Variants in HTATSF1 observed in about 807,000 individuals in gnomAD.
The protein encoded by HTATSF1 is 17S U2 SnRNP complex component HTATSF1.
A neutral mutation model predicts 46.1 loss-of-function variants in HTATSF1; 6 were observed. The observed-to-expected ratio is 0.13, with a 90% confidence interval of 0.07 to 0.26. The LOEUF is 0.26. HTATSF1 is among the 10% of genes least tolerant of loss of function. HTATSF1 has a pLI of 1.00. For missense variants in HTATSF1, 452 were observed against 559.9 expected, an observed-to-expected ratio of 0.81 and a Z score of 1.94; for synonymous variants, 226 against 211.5, an observed-to-expected ratio of 1.07 and a Z score of -0.60.
At position 136,511,482 on chromosome X, in the gene HTATSF1, T is replaced by A; in HGVS notation, c.1737T>A (p.Ser579=). The change falls in exon 9 of 9, where the codon TCT becomes TCA. Residue 579 remains serine, a synonymous_variant. Transcript: ENST00000218364. ...GLEKDLDEEG[S]EKELHENVLD... is the part of the protein sequence containing the mutation. ...AGAAAGATTTGGACGAGGAAGGTTC[T>A]GAAAAGGAGCTTCATGAAAATGTTC... 1 of 1,208,675 alleles carries A rather than the reference T, an allele frequency of 8.3e-7. No individual in the cohort carries two copies. Among genetic ancestry groups the A allele is most frequent in the Non-Finnish European group, 1.1e-6 (1 of 894,624 alleles).
At chrX:136,509,964 A>G (rs1300337111) in intron 7 of HTATSF1, 118 bp from the exon 8 acceptor site, 2 of 606,837 alleles carry the variant, frequency 3.3e-6, no homozygotes, top group South Asian at 4.3e-5. Context: ...CTTCATACAT[A>G]AAGTCTTTTA....
rs1490578356 is a variant in HTATSF1 at position 136,512,308 on chromosome X, A to G, written c.*295A>G. On this transcript the variant is annotated 3_prime_UTR_variant, in exon 9 of 9. Transcript: ENST00000218364. The stretch of plus-strand genomic sequence containing the variant: ...GTATTGATTGAAGTTTGTGATATTC[A>G]TCAATAAAAATGAGTTGATAATATG... 4 of 203,851 alleles carry G rather than the reference A, an allele frequency of 2.0e-5. No individual in the cohort carries two copies. The highest frequency in any genetic ancestry group is 1.2e-4 in the African/African-American group (4 of 34,296). 16.8% of individuals were successfully genotyped at this position (203,851 alleles called of 1,213,427 possible).
At chrX:136,504,981 T>C (rs2075735286) in intron 6 of HTATSF1, among the ~76,000 whole-genome samples, 1 of 112,266 alleles carries the variant, frequency 8.9e-6, no homozygotes, top group African/African-American at 3.2e-5. Context: ...AATGGAACTG[T>C]CCTTCCTCCC....
intron 7 of HTATSF1, 81 bp downstream of exon 7, chrX:136,509,261 C>A: frequency 1.5e-6 from 1 of 658,708 alleles, no homozygotes; most frequent in Non-Finnish European, 2.4e-6. Context: ...TTAGTATACC[C>A]CTGAATTTTA....
rs2075768146 is a variant in HTATSF1 at position 136,511,539 on chromosome X, A to G, written c.1794A>G (p.Glu598=). 2 of 1,209,314 alleles carry G rather than the reference A, an allele frequency of 1.7e-6. No homozygotes were observed. Among genetic ancestry groups the G allele is most frequent in the Non-Finnish European group, 2.2e-6 (2 of 895,011 alleles). Residue 598 remains glutamate, a synonymous_variant, in exon 9 of 9, where the codon GAA becomes GAG. Transcript: ENST00000218364. ...LDKELEENDS[E]NSEFEDDGSE... is the part of the protein sequence containing the mutation. ...AAGAGTTAGAAGAAAATGACTCTGA[A>G]AACTCCGAATTTGAAGATGACGGCT...
At position 136,504,991 on chromosome X, in the gene HTATSF1, C is replaced by T. The variant is rs987956397; in HGVS notation, c.834+528C>T. Among the ~76,000 whole-genome samples, 3 of 111,917 alleles carry T rather than the reference C, an allele frequency of 2.7e-5. No homozygotes were observed. The East Asian group carries it at 8.3e-4, about 31-fold the overall frequency. On this transcript the variant is annotated intron_variant, in intron 6 of 8. Coordinates refer to ENST00000218364, the MANE Select transcript of HTATSF1 (RefSeq NM_014500.5). ...AAGTTAATGGAACTGTCCTTCCTCCCCTCAAAAAAGTGAATAAAGGAGAAG... is the reference window on the plus strand; with the variant it reads ...AAGTTAATGGAACTGTCCTTCCTCCTCTCAAAAAAGTGAATAAAGGAGAAG...
At chrX:136,503,930 G>A (rs1164790932) in intron 5 of HTATSF1, among the ~76,000 whole-genome samples, 1 of 111,217 alleles carries the variant, frequency 9.0e-6, no homozygotes, top group African/African-American at 3.3e-5. Flanking sequence ...GAGTGCAGGG[G>A]TGCAATGTTG....
chrX:136,511,839 AGAT>A lies in HTATSF1; in HGVS notation c.2101_2103del (p.Asp701del), dbSNP rs748278192. 7.4e-6 allele frequency: 9 copies of A among 1,211,685 alleles called. No individual in the cohort carries two copies. The highest frequency in any genetic ancestry group is 1.0e-5 in the Non-Finnish European group (9 of 895,430). ...AAGATGCTGACGAAAAGTTGTTCGA[AGAT>A]GATGATTCCAATGAGAAGTTGTTTG... On this transcript the variant is annotated inframe_deletion, in exon 9 of 9. Coordinates refer to ENST00000218364, the MANE Select transcript of HTATSF1 (RefSeq NM_014500.5).
intron 4 of HTATSF1, among the ~76,000 whole-genome samples, chrX:136,502,085 T>G (rs2075720818): frequency 9.0e-6 from 1 of 111,601 alleles, no homozygotes; most frequent in South Asian, 3.7e-4. Flanking sequence ...CTACAGGTCC[T>G]CTGATCTTTG....
Position 136,502,938 on chromosome X carries a change from A to G in HTATSF1, c.731A>G (p.Gln244Arg). 9.2e-7 allele frequency: 1 copy of G among 1,090,213 alleles called. No individual in the cohort carries two copies. The allele number at this position is 1,090,213 out of a possible 1,213,427, so 89.8% of individuals were successfully genotyped here. A position where few individuals can be genotyped will look rare whatever the true frequency, so the allele number is the denominator to read the frequency against. The stretch of plus-strand genomic sequence containing the variant: ...TATAAGAAGAAGCTGTCTATGCAAC[A>G]AAAGTTTGTAATTTTTTTCCCTTTT... Reference protein sequence around the residue: ...KDYKKKLSMQQKQLDWRPERR... With the variant: ...KDYKKKLSMQRKQLDWRPERR... Residue 244 changes from glutamine to arginine, a missense_variant, in exon 5 of 9, where the codon CAA becomes CGA. Gln to Arg is a conservative substitution (Grantham distance 43). Coordinates refer to ENST00000218364, the MANE Select transcript of HTATSF1 (RefSeq NM_014500.5).
In HTATSF1 at chrX:136,511,374, C is replaced by G. The variant is rs779306002; in HGVS notation, c.1629C>G (p.Asp543Glu). The G allele has an allele frequency of 8.3e-7, 1 of 1,207,989 alleles. No homozygotes were observed. Among genetic ancestry groups the G allele is most frequent in the Admixed American group, 2.2e-5 (1 of 45,408 alleles). ...VGPTKESEED[D>E]SEKESDEDCS... ...CCACAAAAGAGTCCGAAGAAGATGA[C>G]TCAGAGAAAGAGTCTGATGAAGACT... Residue 543 changes from aspartate to glutamate, a missense_variant, in exon 9 of 9, where the codon GAC becomes GAG. By Grantham distance (45) the Asp-to-Glu change is conservative. This residue lies in a region of HTATSF1 where 246 missense variants were observed against 245.3 expected (regional missense o/e 1.00). Transcript: ENST00000218364.
In HTATSF1 at chrX:136,510,841, C is replaced by T. The variant is rs767255273; in HGVS notation, c.1096C>T (p.Leu366=). 23 of 1,202,042 alleles carry T rather than the reference C, an allele frequency of 1.9e-5. No homozygotes were observed. The South Asian group carries it at 3.6e-4, about 19-fold the overall frequency. Residue 366 remains leucine, a synonymous_variant, in exon 9 of 9, where the codon CTG becomes TTG. Transcript: ENST00000218364. The part of the protein sequence containing the change: ...EETSREREER[L]RGWEAFLNAP... ...AACCTCAAGAGAAAGGGAGGAAAGG[C>T]TGAGAGGATGGGAGGCTTTCCTCAA... is the stretch of plus-strand genomic sequence containing the variant.
Position 136,509,076 on chromosome X carries a change from A to G in HTATSF1, c.835-15A>G, listed in dbSNP as rs1293666607. The G allele has an allele frequency of 1.8e-6, 2 of 1,139,003 alleles. No individual in the cohort carries two copies. Among genetic ancestry groups the G allele is most frequent in the Admixed American group, 2.2e-5 (1 of 45,917 alleles). The allele number at this position is 1,139,003 out of a possible 1,213,427, so 93.9% of individuals were successfully genotyped here. A position where few individuals can be genotyped will look rare whatever the true frequency, so the allele number is the denominator to read the frequency against. ...AGAAGGGAGCAAACCCATTTTAATC[A>G]TGCATATTTTTCAGGATGATCCGTT... is the stretch of plus-strand genomic sequence containing the variant. On this transcript the variant is annotated splice_polypyrimidine_tract_variant and intron_variant, in intron 6 of 8. Coordinates refer to ENST00000218364, the MANE Select transcript of HTATSF1 (RefSeq NM_014500.5).
Position 136,511,215 on chromosome X carries a change from C to A in HTATSF1, c.1470C>A (p.Pro490=). The stretch of plus-strand genomic sequence containing the variant: ...AAAAAGAGTCTGAAGAAGGCAATCC[C>A]GTAAGAGGATCTGAAGAGGATAGTC... The part of the protein sequence containing the change: ...CSQKESEEGN[P]VRGSEEDSPK... The change falls in exon 9 of 9, where the codon CCC becomes CCA. Residue 490 remains proline, a synonymous_variant. Transcript: ENST00000218364. The A allele has an allele frequency of 8.3e-7, 1 of 1,208,001 alleles. No homozygotes were observed. Among genetic ancestry groups the A allele is most frequent in the Non-Finnish European group, 1.1e-6 (1 of 894,472 alleles).
chrX:136,510,709 C>A, intron 8 of HTATSF1, 99 bp from the exon 9 acceptor site: 2 of 912,453 alleles, frequency 2.2e-6, no homozygotes, highest in East Asian at 3.4e-5. Flanking sequence ...ATAAGAGATG[C>A]TTTATAAAAT....
chrX:136,511,265 C>A lies in HTATSF1; in HGVS notation c.1520C>A (p.Thr507Lys), dbSNP rs1368230574. ...DSPKKESKKK[T>K]LKNDCEENGL... ...CCTAAAAAAGAGTCTAAAAAGAAGA[C>A]ACTCAAAAATGATTGTGAAGAGAAT... Residue 507 changes from threonine (T) to lysine (K), a missense_variant, in exon 9 of 9, where the codon ACA becomes AAA. Physicochemically the swap from Thr to Lys is moderately conservative, Grantham distance 78 (BLOSUM62 -1). Transcript: ENST00000218364. 2.2e-5 allele frequency: 26 copies of A among 1,207,122 alleles called. No individual in the cohort carries two copies. Among genetic ancestry groups the A allele is most frequent in the Non-Finnish European group, 2.9e-5 (26 of 894,474 alleles).
In HTATSF1 at chrX:136,499,860, TATA is replaced by T. The variant is rs552940647; in HGVS notation, c.367+86_367+88del. On this transcript the variant is annotated intron_variant, in intron 2 of 8. Coordinates refer to ENST00000218364, the MANE Select transcript of HTATSF1 (RefSeq NM_014500.5). ...TAGGTACAGTTGCTTTTTCGAGAAT[TATA>T]ATAGCTTTGAAGGAATAAGGTGAGT... The T allele has an allele frequency of 4.5e-4, 328 of 734,875 alleles. 1 individual carries two copies. In the South Asian group the frequency reaches 6.9e-3, roughly 15 times the overall value. 60.6% of individuals were successfully genotyped at this position (734,875 alleles called of 1,213,427 possible). A position where few individuals can be genotyped will look rare whatever the true frequency, so the allele number is the denominator to read the frequency against.
At chrX:136,508,033 T>C (rs1165217751) in intron 6 of HTATSF1, among the ~76,000 whole-genome samples, 1 of 112,531 alleles carries the variant, frequency 8.9e-6, no homozygotes, top group Non-Finnish European at 1.9e-5. Flanking sequence ...ACTGTAGTTT[T>C]AGAAGCCTCA....
rs2075755300 is a variant in HTATSF1, at chrX:136,508,973, A to T, written c.835-118A>T. ...TTTAAAAAATTGTATAGAATGAAAA[A>T]CACAACCTTAAGCAAAACCTTTTTC... is the stretch of plus-strand genomic sequence containing the variant. On this transcript the variant is annotated intron_variant, in intron 6 of 8. Coordinates refer to ENST00000218364, the MANE Select transcript of HTATSF1 (RefSeq NM_014500.5). 4.6e-5 allele frequency: 24 copies of T among 526,079 alleles called. No individual in the cohort carries two copies. In the South Asian group the frequency reaches 6.3e-4, roughly 14 times the overall value. 43.4% of individuals were successfully genotyped at this position (526,079 alleles called of 1,213,427 possible). A position where few individuals can be genotyped will look rare whatever the true frequency, so the allele number is the denominator to read the frequency against.
Sources: allele counts gnomAD v4.1 joint callset (sites outside exome capture counted in the v4.1 genomes callset), GRCh38; gene constraint gnomAD v4.1.1; regional missense constraint gnomAD v4.1.1; transcripts MANE v1.5; gene names NCBI Gene and HGNC (gene_info 2026-07-23, HGNC 2026-07-21).